FBXL3: variants seen among roughly 807,000 people sequenced by gnomAD.
FBXL3 encodes the protein F-box and leucine rich repeat protein 3, also known as F-box/LRR-repeat protein 3.
A neutral mutation model predicts 37.9 loss-of-function variants in FBXL3; 14 were observed. That is an observed-to-expected ratio of 0.37 (90% CI 0.24 to 0.58). The LOEUF is 0.58. Ranked by LOEUF, FBXL3 falls within the 20% of genes least tolerant of loss-of-function variation. The pLI is 0.74. For missense variants in FBXL3, 327 were observed against 511.1 expected (o/e 0.64, Z 3.47); for synonymous variants, 194 against 180.1 (o/e 1.08, Z -0.62).
At chr13:77,023,670 G>A (rs914145713) in intron 1 of FBXL3, among the ~76,000 whole-genome samples, 3 of 152,158 alleles carry the variant, frequency 2.0e-5, no homozygotes, top group Non-Finnish European at 4.4e-5. Context: ...GTTCTGGCAG[G>A]GTAGTGGTTT....
chr13:77,024,820 G>A lies in FBXL3; in HGVS notation c.-2+2007C>T, dbSNP rs919019325. ...GAATTAAGTCTGTTAATTGTCATAC[G>A]TAATATGTCTATGTTACAATTATAG... On this transcript the variant is annotated intron_variant, in intron 1 of 4. Transcript: ENST00000355619. Among the ~76,000 whole-genome samples the A allele has an allele frequency of 2.6e-5, 4 of 152,106 alleles. No homozygotes were observed. The East Asian group carries it at 7.7e-4, about 29-fold the overall frequency.
At chr13:77,008,195 A>T (rs946998808) in intron 4 of FBXL3, among the ~76,000 whole-genome samples, 1 of 152,218 alleles carries the variant, frequency 6.6e-6, no homozygotes, top group Admixed American at 6.5e-5. Flanking sequence ...GAAGTTCAAA[A>T]CCTAATCCTA....
chr13:77,025,475 C>A (rs898786417), intron 1 of FBXL3, among the ~76,000 whole-genome samples: 1 of 152,126 alleles, frequency 6.6e-6, no homozygotes. Flanking sequence ...GTAATCCCAG[C>A]ACTTTGGGAG....
chr13:77,010,317 T>C (rs1431459583), intron 4 of FBXL3: 1 of 152,006 alleles, frequency 6.6e-6, no homozygotes, highest in African/African-American at 2.4e-5. Context: ...AAAGAAACTG[T>C]GGAGTATCAT....
intron 4 of FBXL3, chr13:77,012,691 G>C (rs1391276516): frequency 6.6e-6 from 1 of 152,168 alleles, no homozygotes; most frequent in Non-Finnish European, 1.5e-5. Flanking sequence ...GTCCAAATAT[G>C]CAAAAGATAG....
In FBXL3 at chr13:77,012,301, T is replaced by C. The variant is rs534470630; in HGVS notation, c.643+3108A>G. 2.6e-5 allele frequency among the ~76,000 whole-genome samples: 3 copies of C among 113,574 alleles called. 1 individual carries two copies. The highest frequency in any genetic ancestry group is 7.7e-5 in the African/African-American group (3 of 38,778). The allele number at this position is 113,574 out of a possible 152,430, so 74.5% of individuals were successfully genotyped here. A position where few individuals can be genotyped will look rare whatever the true frequency, so the allele number is the denominator to read the frequency against. On this transcript the variant is annotated intron_variant, in intron 4 of 4. Transcript: ENST00000355619. ...GATTAGTGGTGGTACTATAAATTCA[T>C]ACAACTCATTTGGAAAAAAAAAATA...
At chr13:77,011,160 T>C (rs1191082945) in intron 4 of FBXL3, among the ~76,000 whole-genome samples, 1 of 151,378 alleles carries the variant, frequency 6.6e-6, no homozygotes, top group Non-Finnish European at 1.5e-5. Context: ...GCCAACACGG[T>C]GAAACCCCAT....
intron 4 of FBXL3, chr13:77,014,637 G>C (rs773096202): frequency 4.6e-5 from 7 of 152,168 alleles, no homozygotes; most frequent in Non-Finnish European, 1.0e-4. Context: ...CAAGAAGGTT[G>C]GAAGTGTTTT....
intron 4 of FBXL3, chr13:77,008,908 T>C (rs1207930679): frequency 6.6e-6 from 1 of 152,174 alleles, no homozygotes; most frequent in African/African-American, 2.4e-5. Flanking sequence ...AAGTTACCCA[T>C]TCAATCCATT....
intron 4 of FBXL3, chr13:77,010,764 G>T (rs2034536793): frequency 6.6e-6 from 1 of 152,298 alleles, no homozygotes; most frequent in Non-Finnish European, 1.5e-5. Flanking sequence ...GGATTCTTCT[G>T]CAGAGCCTCC....
chr13:77,017,441 A>G (rs755517598), intron 3 of FBXL3: 15 of 152,182 alleles, frequency 9.9e-5, no homozygotes, highest in Non-Finnish European at 2.1e-4. Flanking sequence ...ATACCATGTA[A>G]CTAGTATTTC....
At chr13:77,018,761 TA>T (rs759839360) in intron 2 of FBXL3, 39 bp from the exon 3 acceptor site, 2 of 1,483,258 alleles carry the variant, frequency 1.3e-6, no homozygotes, top group African/African-American at 2.8e-5. Flanking sequence ...AATATTTTAT[TA>T]TTTTTTTACT....
Position 77,007,066 on chromosome 13 carries a change from T to G in FBXL3, c.*79A>C. On this transcript the variant is annotated 3_prime_UTR_variant, in exon 5 of 5. Transcript: ENST00000355619. ...ATTTCTGTGCCACAAAATAGTAGAA[T>G]TATATCAGAACTACAGCAAATAAAA... 5 of 1,493,562 alleles carry G rather than the reference T, an allele frequency of 3.3e-6. No individual in the cohort carries two copies. The highest frequency in any genetic ancestry group is 4.4e-6 in the Non-Finnish European group (5 of 1,129,914). 92.5% of individuals were successfully genotyped at this position (1,493,562 alleles called of 1,614,324 possible).
intron 2 of FBXL3, among the ~76,000 whole-genome samples, chr13:77,019,334 A>C (rs1364612420): frequency 1.3e-5 from 2 of 151,686 alleles, no homozygotes; most frequent in African/African-American, 4.8e-5. Flanking sequence ...TCCTAAGGGA[A>C]GGATAAAGGG....
chr13:77,009,187 T>C (rs1166353548), intron 4 of FBXL3: 2 of 152,198 alleles, frequency 1.3e-5, no homozygotes, highest in African/African-American at 2.4e-5. Context: ...CAATAAGCCA[T>C]AGCTTTATAA....
intron 1 of FBXL3, among the ~76,000 whole-genome samples, chr13:77,024,851 T>C (rs1452142389): frequency 6.6e-6 from 1 of 152,170 alleles, no homozygotes; most frequent in Non-Finnish European, 1.5e-5. Flanking sequence ...TATAGTGCAT[T>C]AAGCAATTGA....
Position 77,023,345 on chromosome 13 carries a change from A to AGAGT in FBXL3, c.-1-1485_-1-1484insACTC, listed in dbSNP as rs199568005. 2.2e-3 allele frequency among the ~76,000 whole-genome samples: 324 copies of AGAGT among 147,592 alleles called. 1 individual carries two copies. The highest frequency in any genetic ancestry group is 7.2e-3 in the African/African-American group (291 of 40,220). On this transcript the variant is annotated intron_variant, in intron 1 of 4. Coordinates refer to ENST00000355619, the MANE Select transcript of FBXL3 (RefSeq NM_012158.4). ...TTTGCTTTAAAATGGAGAGAGAGAGAGTGTGTGTGTGTGTGTGTGTGTGTG... is the reference window on the plus strand; with the variant it reads ...TTTGCTTTAAAATGGAGAGAGAGAGAGAGTGTGTGTGTGTGTGTGTGTGTGTGTG...
intron 4 of FBXL3, chr13:77,012,875 A>T (rs1217336392): frequency 2.0e-5 from 3 of 152,292 alleles, no homozygotes; most frequent in Non-Finnish European, 4.4e-5. Context: ...CCCGGATTCA[A>T]ACGATTTTCC....
At chr13:77,019,772 A>T (rs1393949457) in intron 2 of FBXL3, among the ~76,000 whole-genome samples, 2 of 152,180 alleles carry the variant, frequency 1.3e-5, no homozygotes, top group East Asian at 3.8e-4. Context: ...GAAGACTATC[A>T]GGAGAGCCCA....
Sources: allele counts gnomAD v4.1 joint callset (sites outside exome capture counted in the v4.1 genomes callset), GRCh38; gene constraint gnomAD v4.1.1; transcripts MANE v1.5; gene names NCBI Gene and HGNC (gene_info 2026-07-23, HGNC 2026-07-21).